The following TRIM2 variants were observed in gnomAD, a reference collection of about 807,000 sequenced individuals.
TRIM2 encodes the protein tripartite motif containing 2.
In TRIM2, 20 loss-of-function variants were observed where a neutral mutation model predicts 75.2. The observed-to-expected ratio is 0.27, with a 90% confidence interval of 0.19 to 0.39. The LOEUF (loss-of-function observed/expected upper bound fraction) is 0.39, where lower values mean the gene tolerates loss of function less well. Among genes scored for constraint, TRIM2 ranks in the 10% least tolerant of loss-of-function variants. The pLI is 1.00. For missense variants in TRIM2, 660 were observed against 990.8 expected, an observed-to-expected ratio of 0.67 and a Z score of 4.48; for synonymous variants, 373 against 388.3, an observed-to-expected ratio of 0.96 and a Z score of 0.46.
chr4:153,205,936 TGAGTCACCCCAC>T (rs1329436158), intron 1 of TRIM2, among the ~76,000 whole-genome samples: 1 of 152,172 alleles, frequency 6.6e-6, no homozygotes, highest in East Asian at 1.9e-4. Context: ...TGGAGAGGGA[TGAGTCACCCCAC>T]GAGGAGGTCC....
intron 1 of TRIM2, among the ~76,000 whole-genome samples, chr4:153,175,580 A>G (rs914902929): frequency 5.3e-5 from 8 of 152,110 alleles, no homozygotes; most frequent in African/African-American, 1.4e-4. Context: ...AGGAAGGCGG[A>G]TGGTGAATTT....
At chr4:153,329,468 A>G (rs1770956082) in intron 11 of TRIM2, among the ~76,000 whole-genome samples, 1 of 151,840 alleles carries the variant, frequency 6.6e-6, no homozygotes, top group Admixed American at 6.6e-5. Context: ...AACATTTTAA[A>G]TCAATGGTCT....
chr4:153,324,055 A>AT (rs751392701), intron 9 of TRIM2, 23 bp from the exon 10 acceptor site: 6 of 1,601,660 alleles, frequency 3.7e-6, no homozygotes, highest in East Asian at 2.2e-5. Context: ...GTCATCACAT[A>AT]TTTTTTTCCA....
intron 1 of TRIM2, among the ~76,000 whole-genome samples, chr4:153,255,632 G>A (rs951605165): frequency 1.3e-5 from 2 of 152,140 alleles, no homozygotes; most frequent in Non-Finnish European, 1.5e-5. Context: ...ACATACGTCC[G>A]CACAAAACCT....
At chr4:153,314,527 C>T (rs967878652) in intron 6 of TRIM2, among the ~76,000 whole-genome samples, 2 of 151,318 alleles carry the variant, frequency 1.3e-5, no homozygotes, top group Admixed American at 1.3e-4. Context: ...ACAGGAGCAT[C>T]GCTTAGGCCC....
chr4:153,193,263 C>A (rs1011294867), intron 1 of TRIM2, among the ~76,000 whole-genome samples: 3 of 150,946 alleles, frequency 2.0e-5, no homozygotes, highest in Non-Finnish European at 4.4e-5. Context: ...TCCTGAGTAG[C>A]TGGGACTACA....
intron 3 of TRIM2, among the ~76,000 whole-genome samples, chr4:153,292,237 A>G (rs1177822745): frequency 6.6e-6 from 1 of 152,208 alleles, no homozygotes; most frequent in Non-Finnish European, 1.5e-5. Context: ...AAGTGGATAC[A>G]AGTCTCCAGC....
chr4:153,272,400 G>T (rs566073600), intron 2 of TRIM2, among the ~76,000 whole-genome samples: 1 of 152,080 alleles, frequency 6.6e-6, no homozygotes, highest in African/African-American at 2.4e-5. Context: ...TGCCCAGCTC[G>T]GCCTCCCAAA....
chr4:153,337,007 T>C lies in TRIM2; in HGVS notation c.*2041T>C. 1 of 981,124 alleles carries C rather than the reference T, an allele frequency of 1.0e-6. No individual in the cohort carries two copies. Among genetic ancestry groups the C allele is most frequent in the Non-Finnish European group, 1.2e-6 (1 of 826,110 alleles). The allele number at this position is 981,124 out of a possible 1,614,324, so 60.8% of individuals were successfully genotyped here. Reference sequence around the variant, plus strand: ...AGTACCTACTAGGTACCAAGTACTCTTTTAGGCACTGGAAATACAGTGATG... The same window carrying C: ...AGTACCTACTAGGTACCAAGTACTCCTTTAGGCACTGGAAATACAGTGATG... On this transcript the variant is annotated 3_prime_UTR_variant, in exon 12 of 12. Transcript: ENST00000338700.
chr4:153,241,841 A>T (rs1180698662), intron 1 of TRIM2, among the ~76,000 whole-genome samples: 1 of 152,240 alleles, frequency 6.6e-6, no homozygotes, highest in Non-Finnish European at 1.5e-5. Flanking sequence ...CGTATGCCGG[A>T]TAAAGGTCCC....
intron 3 of TRIM2, among the ~76,000 whole-genome samples, chr4:153,287,726 T>G (rs1760971566): frequency 6.6e-6 from 1 of 152,252 alleles, no homozygotes; most frequent in African/African-American, 2.4e-5. Flanking sequence ...ATTTATATGT[T>G]GTATGCTCAG....
At chr4:153,266,344 G>GTTT (rs768231926) in intron 1 of TRIM2, among the ~76,000 whole-genome samples, 15,377 of 119,872 alleles carry the variant, frequency 0.13, 1,252 homozygotes, top group Non-Finnish European at 0.16. Context: ...TAATTTTTGG[G>GTTT]TTTTTTTTTT....
At chr4:153,175,433 G>A (rs1171214144) in intron 1 of TRIM2, among the ~76,000 whole-genome samples, 3 of 152,222 alleles carry the variant, frequency 2.0e-5, no homozygotes, top group Non-Finnish European at 2.9e-5. Context: ...TCACACTGCC[G>A]TGATGGTGGC....
intron 6 of TRIM2, chr4:153,308,295 T>G: frequency 6.5e-7 from 1 of 1,545,742 alleles, no homozygotes. Flanking sequence ...AATAATGTCC[T>G]TCTCCAGATC....
At chr4:153,257,796 A>G (rs564990505) in intron 1 of TRIM2, 88 of 385,084 alleles carry the variant, frequency 2.3e-4, no homozygotes, top group Admixed American at 3.4e-4. Flanking sequence ...ACTGCTTAGT[A>G]TTGTGCCAGG....
At chr4:153,265,515 T>C (rs1754760885) in intron 1 of TRIM2, 1 of 152,096 alleles carries the variant, frequency 6.6e-6, no homozygotes. Flanking sequence ...GACTAATTTT[T>C]TGTATTTTTA....
At chr4:153,250,140 G>T (rs1383336319) in intron 1 of TRIM2, among the ~76,000 whole-genome samples, 1 of 150,720 alleles carries the variant, frequency 6.6e-6, no homozygotes. Context: ...CTTTTTTAAA[G>T]ACAGGGCCTC....
chr4:153,271,798 A>G (rs1263230767), intron 2 of TRIM2, among the ~76,000 whole-genome samples: 1 of 152,170 alleles, frequency 6.6e-6, no homozygotes, highest in Non-Finnish European at 1.5e-5. Context: ...GAAGATCGTT[A>G]CCTGATGTGC....
chr4:153,154,327 G>A (rs1729021689), intron 1 of TRIM2, among the ~76,000 whole-genome samples: 1 of 152,158 alleles, frequency 6.6e-6, no homozygotes, highest in Non-Finnish European at 1.5e-5. Context: ...CACGGTCAGG[G>A]GCTGATAGCC....
Sources: allele counts gnomAD v4.1 joint callset (sites outside exome capture counted in the v4.1 genomes callset), GRCh38; gene constraint gnomAD v4.1.1; transcripts MANE v1.5; gene names NCBI Gene and HGNC (gene_info 2026-07-23, HGNC 2026-07-21).